Variants in DHX58 observed in about 807,000 individuals in gnomAD.
DHX58 encodes DExH-box helicase 58, also known as ATP-dependent RNA helicase DHX58.
DHX58 carries 51 observed loss-of-function variants against 65.0 expected under a neutral mutation model. The observed-to-expected ratio is 0.78, with a 90% CI of 0.63 to 0.99. The LOEUF (loss-of-function observed/expected upper bound fraction) is 0.99, where lower values mean the gene tolerates loss of function less well. DHX58 is among the 50% of genes least tolerant of loss of function. The probability of loss-of-function intolerance (pLI) is 0.00; values close to 1 mark genes in which losing one functional copy is unlikely to be tolerated. For synonymous variants in DHX58, 350 were observed against 365.0 expected (o/e 0.96, Z 0.47); for missense variants, 773 against 891.8 (o/e 0.87, Z 1.70).
rs542400956 is a variant in DHX58 at position 42,105,126 on chromosome 17, G to T, written c.1293C>A (p.Thr431=). The change falls in exon 10 of 14, where the codon ACC becomes ACA. Residue 431 remains threonine, a synonymous_variant. Coordinates refer to ENST00000251642, the MANE Select transcript of DHX58 (RefSeq NM_024119.3). ...QEVIQKFQDG[T]LNLLVATSVA... is the part of the protein sequence containing the mutation. Reference sequence around the variant, plus strand: ...CACTCGTGGCCACCAGAAGGTTCAGGGTTCCATCTTGGAACTTCTGGATCA... The same window carrying T: ...CACTCGTGGCCACCAGAAGGTTCAGTGTTCCATCTTGGAACTTCTGGATCA... 6 of 1,613,932 alleles carry T rather than the reference G, an allele frequency of 3.7e-6. No individual in the cohort carries two copies. The highest frequency in any genetic ancestry group is 4.5e-5 in the East Asian group (2 of 44,862).
At chr17:42,112,568 T>TGGGGGTGGGG (rs201296202) in intron 1 of DHX58, 37 bp downstream of exon 1, 1 of 16,406 alleles carries the variant, frequency 6.1e-5, no homozygotes, top group Non-Finnish European at 1.5e-4. Flanking sequence ...GGCCAAAAGG[T>TGGGGGTGGGG]GGGGGTGGGG....
intron 5 of DHX58, 65 bp downstream of exon 5, chr17:42,110,656 GCA>G (rs374222195): frequency 4.0e-6 from 6 of 1,502,488 alleles, no homozygotes. Flanking sequence ...TAGTGGCAGG[GCA>G]GGCAGGGAGG....
intron 2 of DHX58, 35 bp from the exon 3 acceptor site, chr17:42,111,928 C>T (rs782609858): frequency 6.3e-7 from 1 of 1,577,856 alleles, no homozygotes; most frequent in Non-Finnish European, 8.6e-7. Context: ...CCACCGACTC[C>T]TCCACCCCTC....
rs782079719 is a variant in DHX58 at position 42,109,252 on chromosome 17, G to A, written c.678+18C>T. 46 of 1,604,218 alleles carry A rather than the reference G, an allele frequency of 2.9e-5. 1 individual carries two copies. The South Asian group carries it at 4.3e-4, about 15-fold the overall frequency. Reference sequence around the variant, plus strand: ...TCACACCGGCTCCCGCTCTCGCCGTGTCCCTGCCCCCGCGTACCTGGCTGC... The same window carrying A: ...TCACACCGGCTCCCGCTCTCGCCGTATCCCTGCCCCCGCGTACCTGGCTGC... On this transcript the variant is annotated intron_variant, in intron 6 of 13. Transcript: ENST00000251642.
rs373058717 is a variant in DHX58 at position 42,111,873 on chromosome 17, T to A, written c.20A>T (p.Gln7Leu). Residue 7 changes from glutamine (Q) to leucine (L), a missense_variant, in exon 3 of 14, where the codon CAA (glutamine) becomes CTA (leucine). Gln to Leu is a moderately radical substitution (Grantham distance 113). Coordinates refer to ENST00000251642, the MANE Select transcript of DHX58 (RefSeq NM_024119.3). ...CAGGGCAGGCATGATCACCTCCCATTGGTAGGACCGAAGCTCCATTCTGGG... is the reference window on the plus strand; with the variant it reads ...CAGGGCAGGCATGATCACCTCCCATAGGTAGGACCGAAGCTCCATTCTGGG... MELRSY[Q>L]WEVIMPALEG... is the part of the protein sequence containing the mutation. 1.8e-4 allele frequency: 298 copies of A among 1,611,382 alleles called. No individual in the cohort carries two copies. The highest frequency in any genetic ancestry group is 2.4e-4 in the Non-Finnish European group (287 of 1,178,362).
At position 42,107,766 on chromosome 17, in the gene DHX58, C is replaced by G. The variant is rs782743543; in HGVS notation, c.835G>C (p.Val279Leu). 1.3e-5 allele frequency: 20 copies of G among 1,590,724 alleles called. No homozygotes were observed. Among genetic ancestry groups the G allele is most frequent in the East Asian group, 4.6e-5 (2 of 43,818 alleles). ...TAGCGCCTCAGGTGAAGCGCATACA[C>G]CCGTTGCTCCTGAAGCCCAGCCAAA... ...AALAGLQEQR[V>L]YALHLRRYND... Residue 279 changes from valine to leucine, a missense_variant, in exon 8 of 14, where the codon GTG becomes CTG. Transcript: ENST00000251642.
At chr17:42,106,724 C>G (rs1402732027) in intron 8 of DHX58, among the ~76,000 whole-genome samples, 1 of 151,840 alleles carries the variant, frequency 6.6e-6, no homozygotes, top group African/African-American at 2.4e-5. Context: ...CACTTGAACC[C>G]AGGAGGGGGA....
intron 8 of DHX58, among the ~76,000 whole-genome samples, chr17:42,106,854 G>A (rs1318051171): frequency 6.6e-6 from 1 of 151,842 alleles, no homozygotes. Flanking sequence ...CCACTCTCAA[G>A]GCCAGCCTCA....
At position 42,111,757 on chromosome 17, in the gene DHX58, C is replaced by T; in HGVS notation, c.136G>A (p.Asp46Asn). Residue 46 changes from aspartate to asparagine, a missense_variant, in exon 3 of 14, where the codon GAT becomes AAT. By Grantham distance (23) the Asp-to-Asn change is conservative. Coordinates refer to ENST00000251642, the MANE Select transcript of DHX58 (RefSeq NM_024119.3). ...YVAKRHLETV[D>N]GAKVVVLVNR... ...ACCAATACAACCACCTTGGCTCCATCCACAGTCTCTAGGTGCCGCTTGGCC... is the reference window on the plus strand; with the variant it reads ...ACCAATACAACCACCTTGGCTCCATTCACAGTCTCTAGGTGCCGCTTGGCC... 1 of 1,613,690 alleles carries T rather than the reference C, an allele frequency of 6.2e-7. No homozygotes were observed. The highest frequency in any genetic ancestry group is 8.5e-7 in the Non-Finnish European group (1 of 1,179,732).
In DHX58 at chr17:42,110,732, G is replaced by A. The variant is rs782699664; in HGVS notation, c.552C>T (p.His184=). 8 of 1,604,284 alleles carry A rather than the reference G, an allele frequency of 5.0e-6. No individual in the cohort carries two copies. Among genetic ancestry groups the A allele is most frequent in the Admixed American group, 1.7e-5 (1 of 58,946 alleles). Residue 184 remains histidine, a synonymous_variant, in exon 5 of 14, where the codon CAC becomes CAT. Transcript: ENST00000251642. ...GASKLDGAIN[H]VLQLCANLDT... is the part of the protein sequence containing the mutation. ...CAGGGGCCAGGCTGACCTGCAGGACGTGGTTGATGGCCCCATCGAGTTTGG... is the reference window on the plus strand; with the variant it reads ...CAGGGGCCAGGCTGACCTGCAGGACATGGTTGATGGCCCCATCGAGTTTGG...
chr17:42,107,333 T>C (rs1388175490), intron 8 of DHX58, among the ~76,000 whole-genome samples: 1 of 148,340 alleles, frequency 6.7e-6, no homozygotes, highest in African/African-American at 2.5e-5. Flanking sequence ...ACAACTGTCC[T>C]CCAGCCTGGG....
intron 8 of DHX58, among the ~76,000 whole-genome samples, chr17:42,107,363 C>G (rs1555662913): frequency 8.7e-6 from 1 of 114,356 alleles, no homozygotes; most frequent in Non-Finnish European, 1.6e-5. Flanking sequence ...AAGACCCCGA[C>G]TATTAAAAAA....
At chr17:42,105,608 G>A in intron 9 of DHX58, 128 bp downstream of exon 9, 1 of 1,469,708 alleles carries the variant, frequency 6.8e-7, no homozygotes, top group East Asian at 2.4e-5. Flanking sequence ...CCTCTGCCTG[G>A]GGATAGTCAA....
intron 6 of DHX58, 24 bp downstream of exon 6, chr17:42,109,246 C>T (rs782012183): frequency 2.3e-5 from 36 of 1,597,576 alleles, no homozygotes; most frequent in Admixed American, 1.7e-4. Context: ...CTCCCGCTCT[C>T]GCCGTGTCCC....
rs72820868 is a variant in DHX58 at position 42,109,264 on chromosome 17, G to A, written c.678+6C>T. 23 of 1,607,954 alleles carry A rather than the reference G, an allele frequency of 1.4e-5. No individual in the cohort carries two copies. The highest frequency in any genetic ancestry group is 5.0e-5 in the Admixed American group (3 of 59,450). Reference sequence around the variant, plus strand: ...CCGCTCTCGCCGTGTCCCTGCCCCCGCGTACCTGGCTGCGCCTGTGGCAGA... The same window carrying A: ...CCGCTCTCGCCGTGTCCCTGCCCCCACGTACCTGGCTGCGCCTGTGGCAGA... On this transcript the variant is annotated splice_donor_region_variant and intron_variant, in intron 6 of 13. Transcript: ENST00000251642.
At position 42,101,769 on chromosome 17, in the gene DHX58, G is replaced by C. The variant is rs781849236; in HGVS notation, c.2029C>G (p.Leu677Val). The change falls in exon 14 of 14, where the codon CTG (leucine) becomes GTG (valine). Residue 677 changes from leucine (L) to valine (V), a missense_variant. Coordinates refer to ENST00000251642, the MANE Select transcript of DHX58 (RefSeq NM_024119.3). Reference sequence around the variant, plus strand: ...CTGCAGCAATGAGGTGGTCAGTCCAGGGAGAGGTCCGACAAGTTCTCGGCA... The same window carrying C: ...CTGCAGCAATGAGGTGGTCAGTCCACGGAGAGGTCCGACAAGTTCTCGGCA... ...HCAENLSDLS[L>V]D is the part of the protein sequence containing the mutation. 1.2e-6 allele frequency: 2 copies of C among 1,614,036 alleles called. No individual in the cohort carries two copies. Among genetic ancestry groups the C allele is most frequent in the East Asian group, 4.5e-5 (2 of 44,900 alleles).
chr17:42,102,084 G>A (rs2053987564), intron 13 of DHX58, 132 bp downstream of exon 13: 2 of 1,414,848 alleles, frequency 1.4e-6, no homozygotes, highest in African/African-American at 2.8e-5. Context: ...CTTAGGGAGG[G>A]GCTGGACCTC....
In DHX58 at chr17:42,101,674, TGA is replaced by T; in HGVS notation, c.*85_*86del. 1 of 1,529,112 alleles carries T rather than the reference TGA, an allele frequency of 6.5e-7. No homozygotes were observed. The highest frequency in any genetic ancestry group is 1.9e-5 in the Admixed American group (1 of 53,950). The allele number at this position is 1,529,112 out of a possible 1,614,324, so 94.7% of individuals were successfully genotyped here. A position where few individuals can be genotyped will look rare whatever the true frequency, so the allele number is the denominator to read the frequency against. On this transcript the variant is annotated 3_prime_UTR_variant, in exon 14 of 14. Coordinates refer to ENST00000251642, the MANE Select transcript of DHX58 (RefSeq NM_024119.3). ...GGCTGGTGGGCCTGATGCCCACAGC[TGA>T]TGATTCAGGAAGGAGGGGCCTGGAG...
At chr17:42,103,899 G>A in intron 11 of DHX58, 101 bp from the exon 12 acceptor site, 1 of 1,313,836 alleles carries the variant, frequency 7.6e-7, no homozygotes, top group South Asian at 1.4e-5. Flanking sequence ...ACCTGGAAGA[G>A]ACTTTCCTTA....
Sources: gnomAD v4.1 joint callset for allele counts (sites outside exome capture counted in the v4.1 genomes callset) on GRCh38, gnomAD v4.1.1 for gene constraint, MANE v1.5 for transcripts, NCBI Gene and HGNC (gene_info 2026-07-23, HGNC 2026-07-21) for gene names.